SLC25A37: variants seen among roughly 807,000 people sequenced by gnomAD.
The protein encoded by SLC25A37 is solute carrier family 25 member 37, also known as mitoferrin-1.
In SLC25A37, 17 loss-of-function variants were observed where a neutral mutation model predicts 31.0. That is an observed-to-expected ratio of 0.55 (90% CI 0.38 to 0.82). The LOEUF (loss-of-function observed/expected upper bound fraction) is 0.82. SLC25A37 is among the 40% of genes least tolerant of loss of function. SLC25A37 has a pLI of 0.00. For synonymous variants in SLC25A37, 222 were observed against 193.0 expected (o/e 1.15, Z -1.24); for missense variants, 404 against 465.8 (o/e 0.87, Z 1.22).
At chr8:23,547,349 A>T (rs555296768) in intron 1 of SLC25A37, among the ~76,000 whole-genome samples, 106 of 152,336 alleles carry the variant, frequency 7.0e-4, no homozygotes, top group African/African-American at 2.4e-3. Flanking sequence ...CTTTCTGTAG[A>T]TACACACATA....
At chr8:23,557,849 TG>T (rs1345451366) in intron 1 of SLC25A37, among the ~76,000 whole-genome samples, 1 of 152,228 alleles carries the variant, frequency 6.6e-6, no homozygotes, top group Non-Finnish European at 1.5e-5. Flanking sequence ...AAGCAGACAT[TG>T]GGCAGCAGAG....
intron 3 of SLC25A37, among the ~76,000 whole-genome samples, chr8:23,569,813 G>A (rs1802773297): frequency 3.3e-5 from 5 of 152,150 alleles, no homozygotes; most frequent in Admixed American, 3.3e-4. Context: ...CCTGGCACTG[G>A]GCAGGCCTTC....
chr8:23,543,862 CTTTTT>C (rs949957937), intron 1 of SLC25A37, among the ~76,000 whole-genome samples: 1 of 151,132 alleles, frequency 6.6e-6, no homozygotes, highest in Non-Finnish European at 1.5e-5. Flanking sequence ...TTTCACTGTA[CTTTTT>C]TTTTGTTATT....
chr8:23,529,343 G>C lies in SLC25A37; in HGVS notation c.210+131G>C. ...CTCTCCCCAGGACCGCGGCTGGCCG[G>C]GGTCGCCCCAGGAGCAGCTGCGCGC... On this transcript the variant is annotated intron_variant, in intron 1 of 3. Transcript: ENST00000519973. The surrounding 1 kb of genome is among the most constrained non-coding windows in gnomAD (Gnocchi z 4.1). 3 of 852,786 alleles carry C rather than the reference G, an allele frequency of 3.5e-6. No homozygotes were observed. The highest frequency in any genetic ancestry group is 5.0e-6 in the Non-Finnish European group (3 of 604,446). 52.8% of individuals were successfully genotyped at this position (852,786 alleles called of 1,614,324 possible).
intron 1 of SLC25A37, among the ~76,000 whole-genome samples, chr8:23,557,331 C>T (rs1357203997): frequency 2.6e-5 from 4 of 152,130 alleles, no homozygotes; most frequent in South Asian, 2.1e-4. Context: ...TTTTTGTGTG[C>T]GTGGTGCTCC....
In SLC25A37 at chr8:23,571,906, G is replaced by GC. The variant is rs1563270639; in HGVS notation, c.*55dup. The GC allele has an allele frequency of 1.3e-6, 2 of 1,573,416 alleles. No individual in the cohort carries two copies. Among genetic ancestry groups the GC allele is most frequent in the Non-Finnish European group, 8.6e-7 (1 of 1,157,018 alleles). Reference sequence around the variant, plus strand: ...TAAAGTCATTCTCTGCCTGCATCCAGCCCCTTGCCCTCTCCTCACACGTAG... The same window carrying GC: ...TAAAGTCATTCTCTGCCTGCATCCAGCCCCCTTGCCCTCTCCTCACACGTAG... On this transcript the variant is annotated 3_prime_UTR_variant, in exon 4 of 4. Coordinates refer to ENST00000519973, the MANE Select transcript of SLC25A37 (RefSeq NM_016612.4).
Position 23,574,673 on chromosome 8 carries a change from C to T in SLC25A37, c.*2818C>T, listed in dbSNP as rs1354996942. ...GTAGAAATTAACTTTCCCATCTGGC[C>T]TTTATCTCCAAAGTTGGTATTGTTG... is the stretch of plus-strand genomic sequence containing the variant. On this transcript the variant is annotated 3_prime_UTR_variant, in exon 4 of 4. Coordinates refer to ENST00000519973, the MANE Select transcript of SLC25A37 (RefSeq NM_016612.4). The T allele has an allele frequency of 6.5e-6, 1 of 154,910 alleles. No individual in the cohort carries two copies. Among genetic ancestry groups the T allele is most frequent in the Non-Finnish European group, 1.5e-5 (1 of 68,244 alleles). The allele number at this position is 154,910 out of a possible 1,614,324, so 9.6% of individuals were successfully genotyped here.
At chr8:23,539,964 C>T (rs1441280730) in intron 1 of SLC25A37, among the ~76,000 whole-genome samples, 1 of 152,188 alleles carries the variant, frequency 6.6e-6, no homozygotes, top group Non-Finnish European at 1.5e-5. Context: ...AGATGATACA[C>T]CTAGAATGTT....
At chr8:23,533,931 T>C (rs1289835131) in intron 1 of SLC25A37, among the ~76,000 whole-genome samples, 1 of 131,256 alleles carries the variant, frequency 7.6e-6, no homozygotes, top group Non-Finnish European at 1.6e-5. Context: ...TTCTCTTTTT[T>C]TTCTCCCTCT....
chr8:23,571,961 T>C lies in SLC25A37; in HGVS notation c.*106T>C. ...TTTTTTTTTTGCAGGGTGCTGCCTA[T>C]GGGCCCTCTGCTCCCCAATGCCTTA... On this transcript the variant is annotated 3_prime_UTR_variant, in exon 4 of 4. Transcript: ENST00000519973. 1 of 1,261,304 alleles carries C rather than the reference T, an allele frequency of 7.9e-7. No homozygotes were observed. The highest frequency in any genetic ancestry group is 1.1e-6 in the Non-Finnish European group (1 of 910,864). 78.1% of individuals were successfully genotyped at this position (1,261,304 alleles called of 1,614,324 possible). A position where few individuals can be genotyped will look rare whatever the true frequency, so the allele number is the denominator to read the frequency against.
intron 1 of SLC25A37, among the ~76,000 whole-genome samples, chr8:23,554,398 GT>G (rs1802310760): frequency 6.6e-6 from 1 of 152,234 alleles, no homozygotes; most frequent in Non-Finnish European, 1.5e-5. Flanking sequence ...TGGCAGCTCA[GT>G]TCCCTCTCCA....
At chr8:23,571,225 C>A in intron 3 of SLC25A37, 110 bp from the exon 4 acceptor site, 1 of 1,330,444 alleles carries the variant, frequency 7.5e-7, no homozygotes, top group Non-Finnish European at 1.0e-6. Context: ...CGGTGTCTAA[C>A]TGGCTTGTTT....
chr8:23,545,576 G>T (rs1045896569), intron 1 of SLC25A37, among the ~76,000 whole-genome samples: 1 of 152,216 alleles, frequency 6.6e-6, no homozygotes, highest in East Asian at 1.9e-4. Flanking sequence ...TGGCACAGGG[G>T]GTCTTTGTTA....
chr8:23,539,753 T>G, intron 1 of SLC25A37, among the ~76,000 whole-genome samples: 1 of 152,206 alleles, frequency 6.6e-6, no homozygotes, highest in South Asian at 2.1e-4. Flanking sequence ...AACCTTAACA[T>G]GCAAAGCTAA....
intron 1 of SLC25A37, among the ~76,000 whole-genome samples, chr8:23,532,862 G>T (rs1300433719): frequency 6.6e-6 from 1 of 152,190 alleles, no homozygotes. Flanking sequence ...GTGCTGGGGG[G>T]CAGTGCAGGC....
chr8:23,547,852 C>T (rs924895103), intron 1 of SLC25A37, among the ~76,000 whole-genome samples: 1 of 152,236 alleles, frequency 6.6e-6, no homozygotes, highest in Non-Finnish European at 1.5e-5. Flanking sequence ...CACAGCCCCG[C>T]CCTGGAATCA....
Position 23,571,602 on chromosome 8 carries a change from T to TG in SLC25A37, c.766dup (p.Asp256GlyfsTer4). 6.2e-7 allele frequency: 1 copy of TG among 1,613,818 alleles called. No homozygotes were observed. On this transcript the variant is annotated frameshift_variant, in exon 4 of 4. Coordinates refer to ENST00000519973, the MANE Select transcript of SLC25A37 (RefSeq NM_016612.4). LOFTEE classifies it high-confidence loss of function. The stretch of plus-strand genomic sequence containing the variant: ...CTCGCCGCGGCCGCCACGACCCCCC[T>TG]GGACGTCTGTAAGACCCTTCTGAAC...
intron 1 of SLC25A37, among the ~76,000 whole-genome samples, chr8:23,562,126 C>G (rs7843042): frequency 0.35 from 52,491 of 151,670 alleles, 9,377 homozygotes; most frequent in African/African-American, 0.43. Flanking sequence ...GGCTGGAAAC[C>G]TCAGGGCTCC....
At chr8:23,550,808 C>G (rs1183020367) in intron 1 of SLC25A37, among the ~76,000 whole-genome samples, 1 of 152,206 alleles carries the variant, frequency 6.6e-6, no homozygotes, top group Non-Finnish European at 1.5e-5. Context: ...CCCTGTAGTA[C>G]CCAGATTCCA....
Sources: allele counts gnomAD v4.1 joint callset (sites outside exome capture counted in the v4.1 genomes callset), GRCh38; gene constraint gnomAD v4.1.1; non-coding constraint Gnocchi (gnomAD v3.1); transcripts MANE v1.5; gene names NCBI Gene and HGNC (gene_info 2026-07-23, HGNC 2026-07-21).